The following CLEC16A variants were observed in gnomAD, a reference collection of about 807,000 sequenced individuals.
CLEC16A encodes the protein protein CLEC16A.
CLEC16A carries 51 observed loss-of-function variants against 109.5 expected under a neutral mutation model. The observed-to-expected ratio is 0.47, with a 90% CI of 0.37 to 0.59. CLEC16A has a LOEUF of 0.59. Among genes scored for constraint, CLEC16A ranks in the 20% least tolerant of loss-of-function variants. The probability of loss-of-function intolerance (pLI) is 0.00; values close to 1 mark genes in which losing one functional copy is unlikely to be tolerated. For missense variants in CLEC16A, 1,339 were observed against 1,394.0 expected (o/e 0.96, Z 0.63); for synonymous variants, 673 against 564.2 (o/e 1.19, Z -2.73).
intron 19 of CLEC16A, among the ~76,000 whole-genome samples, chr16:11,090,015 ATC>A (rs1368324742): frequency 6.6e-6 from 1 of 152,126 alleles, no homozygotes; most frequent in African/African-American, 2.4e-5. Context: ...CACTCAGAAT[ATC>A]TGTTTAGACA....
intron 10 of CLEC16A, among the ~76,000 whole-genome samples, chr16:10,987,854 T>G (rs544684168): frequency 2.0e-5 from 3 of 152,364 alleles, no homozygotes; most frequent in Non-Finnish European, 4.4e-5. Flanking sequence ...AATTTGTAGA[T>G]AAGTTACTGG....
intron 22 of CLEC16A, among the ~76,000 whole-genome samples, chr16:11,148,261 C>T (rs1337502155): frequency 6.6e-6 from 1 of 152,198 alleles, no homozygotes; most frequent in African/African-American, 2.4e-5. Context: ...GGTATGCCGG[C>T]AACCACGTCC....
In CLEC16A at chr16:10,961,059, C is replaced by A. The variant is rs1211611608; in HGVS notation, c.210-1396C>A. Among the ~76,000 whole-genome samples the A allele has an allele frequency of 6.6e-6, 1 of 152,112 alleles. No individual in the cohort carries two copies. Among genetic ancestry groups the A allele is most frequent in the Non-Finnish European group, 1.5e-5 (1 of 68,024 alleles). On this transcript the variant is annotated intron_variant, in intron 2 of 23. Transcript: ENST00000409790. The surrounding 1 kb of genome is among the most constrained non-coding windows in gnomAD (Gnocchi z 4.3). ...TTTATGCTAGACCTACCCTGTCAAT[C>A]CCCGGGGCAAGATCTAGGTACAGGC...
intron 19 of CLEC16A, among the ~76,000 whole-genome samples, chr16:11,109,996 G>A (rs563706672): frequency 4.6e-5 from 7 of 152,284 alleles, no homozygotes; most frequent in African/African-American, 1.7e-4. Context: ...ATTAAATTAT[G>A]GATTGGCATC....
chr16:11,019,941 T>C (rs1200290228), intron 11 of CLEC16A, among the ~76,000 whole-genome samples: 1 of 152,172 alleles, frequency 6.6e-6, no homozygotes, highest in African/African-American at 2.4e-5. Flanking sequence ...GAATAAATGA[T>C]TGCAATTTGT....
chr16:11,095,072 C>G (rs2152972858), intron 19 of CLEC16A, among the ~76,000 whole-genome samples: 1 of 148,684 alleles, frequency 6.7e-6, no homozygotes, highest in South Asian at 2.1e-4. Flanking sequence ...CTTATTTGAA[C>G]AGTTGCTAAT....
At chr16:11,102,554 AT>A (rs925518344) in intron 19 of CLEC16A, among the ~76,000 whole-genome samples, 6 of 152,210 alleles carry the variant, frequency 3.9e-5, no homozygotes, top group African/African-American at 1.4e-4. Flanking sequence ...CTGGTATGAA[AT>A]TTAGACATTC....
At chr16:11,123,661 G>A (rs901570162) in intron 20 of CLEC16A, 81 bp from the exon 21 acceptor site, 3 of 1,323,260 alleles carry the variant, frequency 2.3e-6, no homozygotes, top group Non-Finnish European at 3.2e-6. Context: ...CCTCTTTCTA[G>A]ATGCCTCATG....
At chr16:11,023,243 A>G (rs2046225305) in intron 12 of CLEC16A, among the ~76,000 whole-genome samples, 1 of 151,702 alleles carries the variant, frequency 6.6e-6, no homozygotes, top group Non-Finnish European at 1.5e-5. Context: ...ACCTTATTCT[A>G]CCCTGCGTAA....
chr16:11,087,034 C>G lies in CLEC16A; in HGVS notation c.2116+26012C>G, dbSNP rs147438124. Among the ~76,000 whole-genome samples, 222 of 152,354 alleles carry G rather than the reference C, an allele frequency of 1.5e-3. 6 individuals are homozygous for G. The East Asian group carries it at 0.037, about 25-fold the overall frequency. ...CTTTGAATGTACTCACAATTTATCCCTGTCAGGGCAAGATGGAGTAAGTTA... is the reference window on the plus strand; with the variant it reads ...CTTTGAATGTACTCACAATTTATCCGTGTCAGGGCAAGATGGAGTAAGTTA... On this transcript the variant is annotated intron_variant, in intron 19 of 23. Transcript: ENST00000409790.
intron 16 of CLEC16A, among the ~76,000 whole-genome samples, chr16:11,045,620 C>T (rs147349709): frequency 3.2e-3 from 491 of 152,214 alleles, no homozygotes; most frequent in Non-Finnish European, 5.1e-3. Flanking sequence ...GCTCATCACT[C>T]GTCAGCCATG....
At chr16:11,124,377 A>G (rs56278821) in intron 21 of CLEC16A, among the ~76,000 whole-genome samples, 25,562 of 152,302 alleles carry the variant, frequency 0.17, 2,228 homozygotes, top group South Asian at 0.22. Flanking sequence ...TCACACAGGC[A>G]GAACCCACAG....
chr16:11,142,289 G>A (rs1270755785), intron 22 of CLEC16A, among the ~76,000 whole-genome samples: 1 of 152,192 alleles, frequency 6.6e-6, no homozygotes, highest in Non-Finnish European at 1.5e-5. Context: ...AAAATTCTTG[G>A]CCTTGCCCTG....
chr16:11,143,237 T>C (rs2053918551), intron 22 of CLEC16A, among the ~76,000 whole-genome samples: 1 of 152,184 alleles, frequency 6.6e-6, no homozygotes, highest in Admixed American at 6.5e-5. Flanking sequence ...CCATTACTAA[T>C]GCATTTATAA....
At chr16:11,048,903 A>T (rs1016404342) in intron 17 of CLEC16A, among the ~76,000 whole-genome samples, 1 of 151,512 alleles carries the variant, frequency 6.6e-6, no homozygotes, top group Admixed American at 6.6e-5. Context: ...TCAGGCTTCT[A>T]TGGCACTTGA....
chr16:11,120,558 C>G, intron 19 of CLEC16A, 57 bp from the exon 20 acceptor site: 1 of 1,535,520 alleles, frequency 6.5e-7, no homozygotes, highest in Non-Finnish European at 8.8e-7. Context: ...TTTGGTGTCT[C>G]CATCACCCTG....
At chr16:11,075,378 C>CTGTGTGTGTGTGTGTGTGTGTG in intron 19 of CLEC16A, among the ~76,000 whole-genome samples, 1 of 134,698 alleles carries the variant, frequency 7.4e-6, no homozygotes, top group East Asian at 2.2e-4. Flanking sequence ...TTGGATATGT[C>CTGTGTGTGTGTGTGTGTGTGTG]TGTGTGTGTG....
intron 5 of CLEC16A, 99 bp downstream of exon 5, chr16:10,971,329 G>A: frequency 1.1e-6 from 1 of 930,310 alleles, no homozygotes; most frequent in South Asian, 1.6e-5. Flanking sequence ...TGTCACGAGG[G>A]AGCACATTGA....
intron 13 of CLEC16A, among the ~76,000 whole-genome samples, chr16:11,032,439 G>A (rs1259733692): frequency 1.3e-5 from 2 of 152,236 alleles, no homozygotes; most frequent in Non-Finnish European, 2.9e-5. Flanking sequence ...GAAACTGAGA[G>A]GCTTTCTTAT....
Sources: gnomAD v4.1 joint callset for allele counts (sites outside exome capture counted in the v4.1 genomes callset) on GRCh38, gnomAD v4.1.1 for gene constraint, Gnocchi (gnomAD v3.1) non-coding constraint, MANE v1.5 for transcripts, NCBI Gene and HGNC (gene_info 2026-07-23, HGNC 2026-07-21) for gene names.